Variants in SSBP2 observed in about 807,000 individuals in gnomAD.
The protein encoded by SSBP2 is single stranded DNA binding protein 2, also known as single-stranded DNA-binding protein 2.
Under a neutral mutation model 61.8 loss-of-function variants are expected in SSBP2, and 17 were observed. The observed-to-expected ratio is 0.28, with a 90% CI of 0.19 to 0.41. The LOEUF is 0.41. Ranked by LOEUF, SSBP2 falls within the 10% of genes least tolerant of loss-of-function variation. The pLI is 1.00. For missense variants in SSBP2, 310 were observed against 458.7 expected, an observed-to-expected ratio of 0.68 and a Z score of 2.96; for synonymous variants, 139 against 141.3, an observed-to-expected ratio of 0.98 and a Z score of 0.12.
chr5:81,751,214 C>G (rs1757746902), upstream of SSBP2: 1 of 680,706 alleles, frequency 1.5e-6, no homozygotes, highest in Non-Finnish European at 2.5e-6. Flanking sequence ...AGGCCTCCCC[C>G]TCCCTCTGGC....
At chr5:81,462,153 G>A (rs1230553175) in intron 9 of SSBP2, among the ~76,000 whole-genome samples, 4 of 151,910 alleles carry the variant, frequency 2.6e-5, no homozygotes, top group East Asian at 3.9e-4. Context: ...TAACACTAAC[G>A]ATAGCTGATG....
intron 5 of SSBP2, among the ~76,000 whole-genome samples, chr5:81,507,197 G>T (rs1768244205): frequency 6.6e-6 from 1 of 152,086 alleles, no homozygotes; most frequent in African/African-American, 2.4e-5. Context: ...TCTTAGGCCT[G>T]CAAACCAAAT....
At chr5:81,685,268 C>T (rs1342014738) in intron 1 of SSBP2, among the ~76,000 whole-genome samples, 1 of 152,082 alleles carries the variant, frequency 6.6e-6, no homozygotes. Context: ...AGCAGCATAA[C>T]AATAGACTAA....
At chr5:81,521,614 T>C (rs1769490413) in intron 4 of SSBP2, among the ~76,000 whole-genome samples, 1 of 152,034 alleles carries the variant, frequency 6.6e-6, no homozygotes, top group Non-Finnish European at 1.5e-5. Flanking sequence ...TCTGTTTTTA[T>C]CTTCTAAAGA....
intron 4 of SSBP2, among the ~76,000 whole-genome samples, chr5:81,516,443 G>A (rs1769022734): frequency 6.6e-6 from 1 of 152,094 alleles, no homozygotes; most frequent in Admixed American, 6.6e-5. Flanking sequence ...ACAAAGTGAA[G>A]TGTGCTGAAT....
chr5:81,493,140 G>A (rs1766986438), intron 5 of SSBP2, among the ~76,000 whole-genome samples: 2 of 151,636 alleles, frequency 1.3e-5, no homozygotes, highest in Non-Finnish European at 2.9e-5. Context: ...GAATAAAAAA[G>A]CTACACTTAA....
intron 3 of SSBP2, among the ~76,000 whole-genome samples, chr5:81,627,450 G>A (rs1373259180): frequency 1.3e-5 from 2 of 152,124 alleles, no homozygotes; most frequent in African/African-American, 4.8e-5. Context: ...CATACCAGAT[G>A]AGTAAAAACC....
chr5:81,517,843 A>G (rs1769153620), intron 4 of SSBP2, among the ~76,000 whole-genome samples: 1 of 151,892 alleles, frequency 6.6e-6, no homozygotes, highest in African/African-American at 2.4e-5. Flanking sequence ...CTTGAAATAA[A>G]AGTTAAAAAC....
intron 4 of SSBP2, among the ~76,000 whole-genome samples, chr5:81,566,276 T>C (rs1037864776): frequency 6.6e-6 from 1 of 152,202 alleles, no homozygotes; most frequent in Non-Finnish European, 1.5e-5. Flanking sequence ...AAATCTCATG[T>C]TGAATTGTAC....
Position 81,736,280 on chromosome 5 carries a change from CCT to C in SSBP2, c.62+14699_62+14700del, listed in dbSNP as rs202214038. 4.9e-3 allele frequency among the ~76,000 whole-genome samples: 752 copies of C among 152,144 alleles called. 2 individuals carry two copies. The highest frequency in any genetic ancestry group is 0.016 in the African/African-American group (679 of 41,470). On this transcript the variant is annotated intron_variant, in intron 1 of 16. Coordinates refer to ENST00000320672, the MANE Select transcript of SSBP2 (RefSeq NM_012446.5). ...ACAAAATTGGCGCTATGCCAAAAGCCCTGTTTGCTTTTCTGGCAGGGTTTACC... is the reference window on the plus strand; with the variant it reads ...ACAAAATTGGCGCTATGCCAAAAGCCGTTTGCTTTTCTGGCAGGGTTTACC...
Position 81,526,811 on chromosome 5 carries a change from A to G in SSBP2, c.283-13094T>C, listed in dbSNP as rs1298574251. Among the ~76,000 whole-genome samples the G allele has an allele frequency of 3.3e-5, 5 of 151,964 alleles. No individual in the cohort carries two copies. In the East Asian group the frequency reaches 9.7e-4, roughly 29 times the overall value. On this transcript the variant is annotated intron_variant, in intron 4 of 16. Coordinates refer to ENST00000320672, the MANE Select transcript of SSBP2 (RefSeq NM_012446.5). ...TTGGAGGTGAAAAAGACAATGACAT[A>G]TATATTTACCAGTGTGATAAAAATT...
At chr5:81,715,843 G>A (rs1180221422) in intron 1 of SSBP2, among the ~76,000 whole-genome samples, 1 of 152,116 alleles carries the variant, frequency 6.6e-6, no homozygotes, top group African/African-American at 2.4e-5. Context: ...GATTGCTTGA[G>A]CCCAGGAGTT....
chr5:81,631,326 G>A (rs1233852030), intron 3 of SSBP2, among the ~76,000 whole-genome samples: 2 of 152,118 alleles, frequency 1.3e-5, no homozygotes, highest in African/African-American at 4.8e-5. Flanking sequence ...ATGCTTTCAG[G>A]AGAAAGATTA....
chr5:81,623,935 C>T (rs1433397399), intron 3 of SSBP2, among the ~76,000 whole-genome samples: 1 of 152,008 alleles, frequency 6.6e-6, no homozygotes, highest in Non-Finnish European at 1.5e-5. Context: ...TCCTGTATTG[C>T]TTATACATGA....
At chr5:81,738,318 C>T (rs888865215) in intron 1 of SSBP2, among the ~76,000 whole-genome samples, 42 of 152,112 alleles carry the variant, frequency 2.8e-4, no homozygotes, top group Admixed American at 2.8e-3. Flanking sequence ...ATTTCAATAA[C>T]GCTATTTTTT....
intron 4 of SSBP2, among the ~76,000 whole-genome samples, chr5:81,568,372 T>C (rs568642415): frequency 6.6e-6 from 1 of 152,316 alleles, no homozygotes; most frequent in South Asian, 2.1e-4. Context: ...CTGCCATCCA[T>C]GTAAGATGAG....
intron 5 of SSBP2, among the ~76,000 whole-genome samples, chr5:81,507,616 A>C (rs946769465): frequency 2.0e-5 from 3 of 152,150 alleles, no homozygotes; most frequent in African/African-American, 7.2e-5. Flanking sequence ...AAAGGATATG[A>C]ATGTATTTGG....
chr5:81,746,051 G>A (rs896444710), intron 1 of SSBP2, among the ~76,000 whole-genome samples: 1 of 152,030 alleles, frequency 6.6e-6, no homozygotes, highest in African/African-American at 2.4e-5. Flanking sequence ...CTTTGAAAGC[G>A]TGAAACTGAA....
chr5:81,735,394 C>CA (rs1376988740), intron 1 of SSBP2, among the ~76,000 whole-genome samples: 1 of 152,190 alleles, frequency 6.6e-6, no homozygotes, highest in Non-Finnish European at 1.5e-5. Context: ...ACCCCCCACC[C>CA]ACTGCAGATA....
Sources: gnomAD v4.1 joint callset for allele counts (sites outside exome capture counted in the v4.1 genomes callset) on GRCh38, gnomAD v4.1.1 for gene constraint, MANE v1.5 for transcripts, NCBI Gene and HGNC (gene_info 2026-07-23, HGNC 2026-07-21) for gene names.